Variants in FAT4 observed in about 807,000 individuals in gnomAD.
FAT4 encodes protocadherin Fat 4.
Under a neutral mutation model 303.9 loss-of-function variants are expected in FAT4, and 84 were observed. That is an observed-to-expected ratio of 0.28 (90% CI 0.23 to 0.33). FAT4 has a LOEUF of 0.33. Ranked by LOEUF, FAT4 falls within the 10% of genes least tolerant of loss-of-function variation. FAT4 has a pLI of 1.00. For synonymous variants in FAT4, 2,307 were observed against 2,298.8 expected (o/e 1.00, Z -0.10); for missense variants, 6,005 against 6,146.8 (o/e 0.98, Z 0.77).
At chr4:125,442,919 A>C (rs1418949568) in intron 8 of FAT4, among the ~76,000 whole-genome samples, 2 of 145,560 alleles carry the variant, frequency 1.4e-5, no homozygotes, top group Non-Finnish European at 3.0e-5. Flanking sequence ...CTCTTTATAC[A>C]AAATATTTTT....
intron 2 of FAT4, among the ~76,000 whole-genome samples, chr4:125,375,348 G>C (rs1338594188): frequency 2.0e-5 from 3 of 152,146 alleles, no homozygotes; most frequent in Non-Finnish European, 2.9e-5. Flanking sequence ...GTATATGTTT[G>C]GCTGAGGCAG....
chr4:125,318,915 A>G lies in FAT4; in HGVS notation c.2504A>G (p.Gln835Arg), dbSNP rs779231945. The change falls in exon 2 of 18, where the codon CAG (glutamine) becomes CGG (arginine). Residue 835 changes from glutamine to arginine, a missense_variant. Coordinates refer to ENST00000394329, the MANE Select transcript of FAT4 (RefSeq NM_001291303.3). ...NISYLITTGD[Q>R]KGMFAINQVT... ...AGTTATCTCATTACTACTGGGGATC[A>G]GAAAGGTATGTTTGCTATCAACCAG... 1 of 1,614,204 alleles carries G rather than the reference A, an allele frequency of 6.2e-7. No individual in the cohort carries two copies. Among genetic ancestry groups the G allele is most frequent in the Admixed American group, 1.7e-5 (1 of 60,020 alleles).
At chr4:125,388,141 T>C (rs1733832175) in intron 2 of FAT4, among the ~76,000 whole-genome samples, 1 of 152,192 alleles carries the variant, frequency 6.6e-6, no homozygotes, top group South Asian at 2.1e-4. Context: ...ATAAGTGTAT[T>C]TTAAGCCCCT....
chr4:125,360,263 G>A (rs866301523), intron 2 of FAT4, among the ~76,000 whole-genome samples: 2 of 152,212 alleles, frequency 1.3e-5, no homozygotes, highest in African/African-American at 2.4e-5. Flanking sequence ...GAGATCTGGA[G>A]TCATCATGTC....
Position 125,452,727 on chromosome 4 carries a change from G to A in FAT4, c.11717G>A (p.Cys3906Tyr). 1.2e-6 allele frequency: 2 copies of A among 1,614,146 alleles called. No individual in the cohort carries two copies. Among genetic ancestry groups the A allele is most frequent in the Non-Finnish European group, 1.7e-6 (2 of 1,180,026 alleles). ...GCGTGTGAGAGAGATATCAATGAGT[G>A]CCTGCAGAGTCCTTGCAAGAATGGT... ...GRACERDINE[C>Y]LQSPCKNGAI... The change falls in exon 10 of 18, where the codon TGC becomes TAC. Residue 3906 changes from cysteine to tyrosine, a missense_variant. Coordinates refer to ENST00000394329, the MANE Select transcript of FAT4 (RefSeq NM_001291303.3).
chr4:125,409,438 T>C (rs1369135029), intron 5 of FAT4, among the ~76,000 whole-genome samples: 11 of 152,078 alleles, frequency 7.2e-5, no homozygotes, highest in Admixed American at 6.6e-4. Flanking sequence ...GTATTTTTAG[T>C]AGAGACGGGG....
At chr4:125,457,155 A>C (rs2390843) in intron 10 of FAT4, among the ~76,000 whole-genome samples, 38,463 of 124,288 alleles carry the variant, frequency 0.31, 7,818 homozygotes, top group East Asian at 0.56. Context: ...ACACACACAC[A>C]CCACTGAGTA....
chr4:125,430,087 C>T (rs1257237808), intron 7 of FAT4, among the ~76,000 whole-genome samples: 3 of 151,540 alleles, frequency 2.0e-5, no homozygotes, highest in Non-Finnish European at 4.4e-5. Context: ...GTGCAGCACA[C>T]CAACATGGCA....
chr4:125,459,500 T>C (rs1317923891), intron 10 of FAT4, among the ~76,000 whole-genome samples: 2 of 152,098 alleles, frequency 1.3e-5, no homozygotes, highest in Admixed American at 1.3e-4. Context: ...CCACTTTCCA[T>C]GTGCTAAGAA....
chr4:125,398,779 T>C lies in FAT4; in HGVS notation c.5176-5T>C. The C allele has an allele frequency of 1.2e-6, 2 of 1,612,648 alleles. No homozygotes were observed. The highest frequency in any genetic ancestry group is 2.2e-5 in the South Asian group (2 of 90,980). ...ATTCACACATTGTTTCCTTTTTCTT[T>C]GTAGGTAGAAATAACACTTCAGGAT... On this transcript the variant is annotated splice_polypyrimidine_tract_variant and splice_region_variant and intron_variant, in intron 2 of 17. Coordinates refer to ENST00000394329, the MANE Select transcript of FAT4 (RefSeq NM_001291303.3).
At chr4:125,460,158 A>G (rs1264196000) in intron 10 of FAT4, among the ~76,000 whole-genome samples, 1 of 152,080 alleles carries the variant, frequency 6.6e-6, no homozygotes, top group African/African-American at 2.4e-5. Flanking sequence ...TTTACTCTTT[A>G]AATGGAGAAC....
chr4:125,464,098 G>C (rs549404250), intron 11 of FAT4, among the ~76,000 whole-genome samples: 3 of 151,984 alleles, frequency 2.0e-5, no homozygotes, highest in Admixed American at 6.6e-5. Flanking sequence ...TTTTACATTA[G>C]TTTTTAATTT....
chr4:125,390,810 A>T (rs1373158663), intron 2 of FAT4, among the ~76,000 whole-genome samples: 1 of 152,136 alleles, frequency 6.6e-6, no homozygotes, highest in Non-Finnish European at 1.5e-5. Flanking sequence ...TAAGTGGGAG[A>T]TATTCTGAAC....
At chr4:125,386,985 C>T (rs993431614) in intron 2 of FAT4, among the ~76,000 whole-genome samples, 28 of 152,108 alleles carry the variant, frequency 1.8e-4, no homozygotes, top group African/African-American at 6.8e-4. Context: ...TCATAAAGAG[C>T]GTGCAACCTA....
chr4:125,317,587 G>A lies in FAT4; in HGVS notation c.1176G>A (p.Gly392=). The stretch of plus-strand genomic sequence containing the variant: ...ACGCAGATTCTCCCGCGGCCAACGG[G>A]AACATCTCCGTGCAAATTCTCGGGG... ...VTDADSPAAN[G]NISVQILGGN... Residue 392 remains glycine (G), a synonymous_variant, in exon 2 of 18, where the codon GGG becomes GGA. Transcript: ENST00000394329. This position sits in a 1 kb window ranked among gnomAD's most constrained non-coding sequence, Gnocchi z 7.0. 1 of 1,613,884 alleles carries A rather than the reference G, an allele frequency of 6.2e-7. No individual in the cohort carries two copies. The highest frequency in any genetic ancestry group is 8.5e-7 in the Non-Finnish European group (1 of 1,179,954).
intron 16 of FAT4, among the ~76,000 whole-genome samples, chr4:125,484,240 T>A (rs560105485): frequency 6.6e-6 from 1 of 151,978 alleles, no homozygotes; most frequent in Admixed American, 6.5e-5. Context: ...ATATGTAGAA[T>A]CAATTGGGTC....
At position 125,449,547 on chromosome 4, in the gene FAT4, G is replaced by C. The variant is rs373393333; in HGVS notation, c.8537G>C (p.Arg2846Pro). The change falls in exon 10 of 18, where the codon CGA becomes CCA. Residue 2846 changes from arginine to proline, a missense_variant. By Grantham distance (103) the Arg-to-Pro change is moderately radical (BLOSUM62 -2). Transcript: ENST00000394329. Reference protein sequence around the residue: ...NREDTDRYRIRVSAHDSGWTV... With the variant: ...NREDTDRYRIPVSAHDSGWTV... ...GAAGATACAGACCGTTACAGAATTC[G>C]AGTTTCCGCACATGATTCTGGGTGG... The C allele has an allele frequency of 6.2e-7, 1 of 1,613,298 alleles. No individual in the cohort carries two copies. Among genetic ancestry groups the C allele is most frequent in the Non-Finnish European group, 8.5e-7 (1 of 1,179,530 alleles).
chr4:125,405,370 A>G (rs1022624545), intron 3 of FAT4, among the ~76,000 whole-genome samples: 2 of 152,012 alleles, frequency 1.3e-5, no homozygotes, highest in African/African-American at 2.4e-5. Flanking sequence ...AAGGGTTCCA[A>G]TTTCCCCACT....
At position 125,490,276 on chromosome 4, in the gene FAT4, C is replaced by T. The variant is rs141234678; in HGVS notation, c.13460C>T (p.Ala4487Val). ...QGKVCKAGSPAGHVCVLSQGP... is the reference protein window; with the variant it reads ...QGKVCKAGSPVGHVCVLSQGP... ...AAGGTGTGCAAAGCTGGAAGTCCTG[C>T]GGGGCATGTCTGTGTTCTGAGTCAG... The change falls in exon 18 of 18, where the codon GCG (alanine) becomes GTG (valine). Residue 4487 changes from alanine to valine, a missense_variant. By Grantham distance (64) the Ala-to-Val change is moderately conservative. Transcript: ENST00000394329. 151 of 1,613,970 alleles carry T rather than the reference C, an allele frequency of 9.4e-5. No homozygotes were observed. In the African/African-American group the frequency reaches 1.2e-3, roughly 13 times the overall value.
Sources: gnomAD v4.1 joint callset for allele counts (sites outside exome capture counted in the v4.1 genomes callset) on GRCh38, gnomAD v4.1.1 for gene constraint, Gnocchi (gnomAD v3.1) non-coding constraint, MANE v1.5 for transcripts, NCBI Gene and HGNC (gene_info 2026-07-23, HGNC 2026-07-21) for gene names.